Variants in WWC2 observed in about 807,000 individuals in gnomAD.
WWC2 encodes protein WWC2.
A neutral mutation model predicts 138.5 loss-of-function variants in WWC2; 101 were observed. The observed-to-expected ratio is 0.73, with a 90% CI of 0.62 to 0.86. The LOEUF (loss-of-function observed/expected upper bound fraction) is 0.86, where lower values mean the gene tolerates loss of function less well. WWC2 is among the 40% of genes least tolerant of loss of function. The pLI is 0.00. For synonymous variants in WWC2, 558 were observed against 538.4 expected, an observed-to-expected ratio of 1.04 and a Z score of -0.50; for missense variants, 1,420 against 1,419.4, an observed-to-expected ratio of 1.00 and a Z score of -0.01.
intron 1 of WWC2, among the ~76,000 whole-genome samples, chr4:183,133,099 T>C (rs1202148883): frequency 7.0e-6 from 1 of 143,492 alleles, no homozygotes; most frequent in Non-Finnish European, 1.5e-5. Context: ...TTTCCTTCCT[T>C]CTTCCCTTCC....
intron 21 of WWC2, among the ~76,000 whole-genome samples, chr4:183,297,410 CTTTTT>C (rs35089821): frequency 7.1e-6 from 1 of 140,768 alleles, no homozygotes. Flanking sequence ...GAGATAAACA[CTTTTT>C]TTTTTTTTTT....
chr4:183,175,995 TGC>T (rs1560826649), intron 1 of WWC2, among the ~76,000 whole-genome samples: 10 of 152,156 alleles, frequency 6.6e-5, no homozygotes, highest in Non-Finnish European at 1.3e-4. Context: ...TCATGACTTA[TGC>T]TTGCTTCAAA....
At chr4:183,199,528 C>T (rs1412148320) in intron 2 of WWC2, among the ~76,000 whole-genome samples, 1 of 152,078 alleles carries the variant, frequency 6.6e-6, no homozygotes, top group East Asian at 1.9e-4. Context: ...TTTTTCCAAA[C>T]CCTGTAGTAG....
intron 1 of WWC2, among the ~76,000 whole-genome samples, chr4:183,143,818 C>T (rs1238638556): frequency 4.0e-5 from 6 of 149,016 alleles, no homozygotes; most frequent in Non-Finnish European, 5.9e-5. Flanking sequence ...ACCTCCTCCC[C>T]GCAAAAAAAA....
intron 17 of WWC2, 72 bp from the exon 18 acceptor site, chr4:183,282,634 CTT>C (rs1738112708): frequency 7.0e-7 from 1 of 1,421,174 alleles, no homozygotes; most frequent in African/African-American, 1.4e-5. Context: ...CAGATAACAA[CTT>C]AGCATGCCCA....
At chr4:183,233,027 G>C (rs952014253) in intron 4 of WWC2, among the ~76,000 whole-genome samples, 3 of 151,274 alleles carry the variant, frequency 2.0e-5, no homozygotes, top group African/African-American at 7.3e-5. Flanking sequence ...ATGCTGCTGT[G>C]AACTTACATG....
intron 6 of WWC2, among the ~76,000 whole-genome samples, chr4:183,247,648 C>CTATATATACTATATATAGTATATATACTA (rs1436358243): frequency 3.9e-4 from 50 of 128,550 alleles, no homozygotes; most frequent in African/African-American, 1.5e-3. Context: ...ACTATATATA[C>CTATATATACTATATATAGTATATATACTA]TATATACTAT....
intron 4 of WWC2, among the ~76,000 whole-genome samples, chr4:183,232,173 C>T (rs1736264764): frequency 6.6e-6 from 1 of 152,112 alleles, no homozygotes; most frequent in Admixed American, 6.5e-5. Flanking sequence ...TATGTAATGA[C>T]ATAATGCTTT....
At chr4:183,246,351 T>C (rs538929666) in intron 6 of WWC2, among the ~76,000 whole-genome samples, 2 of 152,278 alleles carry the variant, frequency 1.3e-5, no homozygotes, top group South Asian at 4.2e-4. Context: ...TATGGGAAAA[T>C]GTTAGAGTCA....
chr4:183,150,564 C>CT (rs1360406079), intron 1 of WWC2, among the ~76,000 whole-genome samples: 2 of 152,000 alleles, frequency 1.3e-5, no homozygotes, highest in Non-Finnish European at 2.9e-5. Flanking sequence ...AATTATTATA[C>CT]TTTAAGTTCT....
intron 4 of WWC2, among the ~76,000 whole-genome samples, chr4:183,212,280 ATTTC>A (rs1402677750): frequency 1.3e-5 from 2 of 152,090 alleles, no homozygotes; most frequent in Non-Finnish European, 2.9e-5. Context: ...TTTAGTTTGG[ATTTC>A]TTTATTTATG....
intron 1 of WWC2, among the ~76,000 whole-genome samples, chr4:183,119,002 G>A (rs773871591): frequency 6.6e-6 from 1 of 151,904 alleles, no homozygotes; most frequent in Admixed American, 6.6e-5. Context: ...TCCTGATGGT[G>A]TTTGTTTCAT....
chr4:183,284,150 T>G (rs956147961), intron 18 of WWC2, 76 bp from the exon 19 acceptor site: 10 of 1,554,172 alleles, frequency 6.4e-6, no homozygotes, highest in Non-Finnish European at 8.7e-6. Flanking sequence ...ATTAGATATT[T>G]TTTCTTTCTT....
chr4:183,306,891 A>AAAAAAAAAAAC (rs1739040928), intron 21 of WWC2, among the ~76,000 whole-genome samples: 3 of 151,648 alleles, frequency 2.0e-5, no homozygotes, highest in Non-Finnish European at 2.9e-5. Flanking sequence ...CAAAAAAAAA[A>AAAAAAAAAAAC]AAAAAACTAC....
rs944267302 is a variant in WWC2, at chr4:183,283,004, C to T, written c.2883+98C>T. The stretch of plus-strand genomic sequence containing the variant: ...GTCTCCTTAGGTGTAAATTCCATGT[C>T]AGGATTTTGTGCCAAAAGCTGATCG... On this transcript the variant is annotated intron_variant, in intron 18 of 22. Coordinates refer to ENST00000403733, the MANE Select transcript of WWC2 (RefSeq NM_024949.6). 5 of 1,292,296 alleles carry T rather than the reference C, an allele frequency of 3.9e-6. No homozygotes were observed. In the African/African-American group the frequency reaches 7.5e-5, roughly 19 times the overall value. The allele number at this position is 1,292,296 out of a possible 1,614,324, so 80.1% of individuals were successfully genotyped here.
chr4:183,157,957 G>C (rs1237829177), intron 1 of WWC2, among the ~76,000 whole-genome samples: 1 of 151,996 alleles, frequency 6.6e-6, no homozygotes, highest in African/African-American at 2.4e-5. Context: ...AGAGTCCCAA[G>C]GTGTATTTTT....
intron 21 of WWC2, among the ~76,000 whole-genome samples, chr4:183,297,426 T>G (rs1428000063): frequency 6.6e-5 from 10 of 151,588 alleles, no homozygotes; most frequent in African/African-American, 2.2e-4. Context: ...TTTTTTTTTT[T>G]GACATGGAGC....
At chr4:183,250,080 C>A in intron 8 of WWC2, 87 bp downstream of exon 8, 3 of 1,222,954 alleles carry the variant, frequency 2.5e-6, no homozygotes, top group East Asian at 2.5e-5. Flanking sequence ...ATCTGCTGGG[C>A]ACTCCCCATA....
chr4:183,116,490 A>G (rs886622714), intron 1 of WWC2, among the ~76,000 whole-genome samples: 1 of 152,244 alleles, frequency 6.6e-6, no homozygotes, highest in African/African-American at 2.4e-5. Context: ...AAGGGCACAA[A>G]GCTGTTAAGT....
Sources: gnomAD v4.1 joint callset for allele counts (sites outside exome capture counted in the v4.1 genomes callset) on GRCh38, gnomAD v4.1.1 for gene constraint, MANE v1.5 for transcripts, NCBI Gene and HGNC (gene_info 2026-07-23, HGNC 2026-07-21) for gene names.